The following BAIAP2 variants were observed in gnomAD, a reference collection of about 807,000 sequenced individuals.
BAIAP2 encodes the protein BAR/IMD domain containing adaptor protein 2, also known as BAR/IMD domain-containing adapter protein 2.
Under a neutral mutation model 63.0 loss-of-function variants are expected in BAIAP2, and 18 were observed. That is an observed-to-expected ratio of 0.29 (90% CI 0.20 to 0.42). The LOEUF is 0.42. BAIAP2 is among the 10% of genes least tolerant of loss of function. The pLI is 1.00. For synonymous variants in BAIAP2, 386 were observed against 307.6 expected (o/e 1.25, Z -2.67); for missense variants, 610 against 734.3 (o/e 0.83, Z 1.96).
intron 13 of BAIAP2, among the ~76,000 whole-genome samples, chr17:81,113,203 C>G (rs1323518272): frequency 6.6e-6 from 1 of 152,246 alleles, no homozygotes; most frequent in African/African-American, 2.4e-5. Context: ...AACAGCTCCC[C>G]CACACATGAC....
chr17:81,105,979 A>G, intron 10 of BAIAP2, 99 bp from the exon 11 acceptor site: 2 of 1,066,386 alleles, frequency 1.9e-6, no homozygotes, highest in Non-Finnish European at 1.4e-6. Context: ...CCGCGCAGCC[A>G]TGCTGGGGAG....
intron 6 of BAIAP2, chr17:81,098,273 C>T (rs988001036): frequency 2.2e-5 from 25 of 1,139,076 alleles, no homozygotes; most frequent in African/African-American, 3.2e-5. Context: ...CAGTCCGGGG[C>T]CTGGGAGGCA....
intron 12 of BAIAP2, chr17:81,108,246 G>T (rs2059412510): frequency 1.7e-6 from 1 of 595,154 alleles, no homozygotes; most frequent in African/African-American, 1.9e-5. Context: ...GGTGGCCGCT[G>T]GCTGGAGGAG....
intron 6 of BAIAP2, among the ~76,000 whole-genome samples, chr17:81,090,542 ATAGC>A (rs2056541550): frequency 6.6e-6 from 1 of 152,234 alleles, no homozygotes; most frequent in Non-Finnish European, 1.5e-5. Context: ...CACGCAGCAG[ATAGC>A]TAGTAAGTGC....
intron 12 of BAIAP2, chr17:81,107,908 G>A (rs896375287): frequency 3.8e-5 from 6 of 157,792 alleles, no homozygotes; most frequent in Admixed American, 3.0e-4. Flanking sequence ...GGAGGGGTCT[G>A]CATCTGCCCT....
intron 3 of BAIAP2, among the ~76,000 whole-genome samples, chr17:81,076,907 G>T (rs9908480): frequency 0.45 from 68,797 of 151,856 alleles, 15,788 homozygotes; most frequent in African/African-American, 0.5. Flanking sequence ...GGAGTTGGAG[G>T]CAGCAGTGAG....
intron 6 of BAIAP2, among the ~76,000 whole-genome samples, chr17:81,089,632 C>G (rs1424569504): frequency 6.6e-6 from 1 of 152,034 alleles, no homozygotes; most frequent in Non-Finnish European, 1.5e-5. Flanking sequence ...GGAGGGCAGG[C>G]GGAGGGGGAG....
chr17:81,055,101 T>C (rs1476783214), intron 2 of BAIAP2, among the ~76,000 whole-genome samples: 1 of 152,168 alleles, frequency 6.6e-6, no homozygotes, highest in Admixed American at 6.5e-5. Flanking sequence ...CTTCCTGGTG[T>C]TGCGGCACCC....
chr17:81,079,841 G>A (rs1262064896), intron 3 of BAIAP2, among the ~76,000 whole-genome samples: 3 of 152,170 alleles, frequency 2.0e-5, no homozygotes, highest in Non-Finnish European at 1.5e-5. Flanking sequence ...AGTGAGTGGG[G>A]GGCATCTGAT....
At chr17:81,109,276 GCACCCTCGGCCTCA>G in intron 13 of BAIAP2, 1 of 1,299,858 alleles carries the variant, frequency 7.7e-7, no homozygotes, top group Non-Finnish European at 9.8e-7. Context: ...GCCGTGCGGG[GCACCCTCGGCCTCA>G]CCCTGCAGTG....
chr17:81,035,444 C>G (rs947671231), intron 1 of BAIAP2, 136 bp downstream of exon 1: 1 of 384,522 alleles, frequency 2.6e-6, no homozygotes, highest in African/African-American at 2.2e-5. Context: ...GGGGTCTTCC[C>G]GGCGCGGCCA....
intron 3 of BAIAP2, among the ~76,000 whole-genome samples, chr17:81,067,063 G>A (rs568315641): frequency 1.3e-5 from 2 of 152,334 alleles, no homozygotes; most frequent in Admixed American, 6.5e-5. Flanking sequence ...GCACAGCGGC[G>A]CCTGCAGATG....
chr17:81,067,337 C>T (rs1463468595), intron 3 of BAIAP2, among the ~76,000 whole-genome samples: 1 of 152,260 alleles, frequency 6.6e-6, no homozygotes, highest in Non-Finnish European at 1.5e-5. Flanking sequence ...GGCGCGTGCT[C>T]CTGCTGAACT....
chr17:81,077,951 C>T lies in BAIAP2; in HGVS notation c.218-6881C>T, dbSNP rs914362093. On this transcript the variant is annotated intron_variant, in intron 3 of 13. Transcript: ENST00000428708. ...AGCTGGATGCTGTGGGTGCGGGTGC[C>T]GTATTGGGTGGGAGCCGGACGCTGT... 8.2e-5 allele frequency among the ~76,000 whole-genome samples: 12 copies of T among 147,216 alleles called. No homozygotes were observed. The Admixed American group carries it at 8.2e-4, about 10-fold the overall frequency.
chr17:81,055,605 G>A (rs1311196488), intron 2 of BAIAP2, among the ~76,000 whole-genome samples: 2 of 49,024 alleles, frequency 4.1e-5, no homozygotes, highest in Admixed American at 2.0e-4. Context: ...TCACTCTGTT[G>A]CCCAGGCCAG....
At position 81,048,182 on chromosome 17, in the gene BAIAP2, C is replaced by G. The variant is rs188327274; in HGVS notation, c.55-5486C>G. ...GGCGGATCGCTTGAGGTCGGGAGTT[C>G]GAGACTAGCCTGGCCAACATGGTGA... On this transcript the variant is annotated intron_variant, in intron 1 of 13. Coordinates refer to ENST00000428708, the MANE Select transcript of BAIAP2 (RefSeq NM_001144888.2). Among the ~76,000 whole-genome samples the G allele has an allele frequency of 9.4e-3, 1,426 of 152,084 alleles. 13 individuals are homozygous for G. Among genetic ancestry groups the G allele is most frequent in the Middle Eastern group, 0.021 (6 of 292 alleles).
At chr17:81,098,205 A>G (rs1568164603) in intron 6 of BAIAP2, 2 of 1,411,508 alleles carry the variant, frequency 1.4e-6, no homozygotes, top group Non-Finnish European at 1.9e-6. Context: ...GGTGAGTCAT[A>G]CAACAAGCCC....
intron 3 of BAIAP2, among the ~76,000 whole-genome samples, chr17:81,073,481 G>A (rs757944538): frequency 2.6e-4 from 40 of 152,208 alleles, no homozygotes; most frequent in Non-Finnish European, 4.1e-4. Context: ...ACTAAGCAGA[G>A]TGTTAACTGA....
intron 3 of BAIAP2, among the ~76,000 whole-genome samples, chr17:81,071,304 G>A (rs1269441883): frequency 6.6e-6 from 1 of 152,124 alleles, no homozygotes; most frequent in Non-Finnish European, 1.5e-5. Context: ...CCCCTGTGGG[G>A]GCTCTGATAG....
Sources: allele counts gnomAD v4.1 joint callset (sites outside exome capture counted in the v4.1 genomes callset), GRCh38; gene constraint gnomAD v4.1.1; transcripts MANE v1.5; gene names NCBI Gene and HGNC (gene_info 2026-07-23, HGNC 2026-07-21).